The following RAPGEF6 variants were observed in gnomAD, a reference collection of about 807,000 sequenced individuals.
The protein encoded by RAPGEF6 is PDZ domain containing guanine nucleotide exchange factor (GEF) 2.
A neutral mutation model predicts 171.4 loss-of-function variants in RAPGEF6; 56 were observed. The ratio of observed to expected loss-of-function variants is 0.33; its 90% confidence interval spans 0.26 to 0.41. The LOEUF (loss-of-function observed/expected upper bound fraction) is 0.41. RAPGEF6 is among the 10% of genes least tolerant of loss of function. The pLI is 1.00. For synonymous variants in RAPGEF6, 692 were observed against 650.1 expected, an observed-to-expected ratio of 1.06 and a Z score of -0.98; for missense variants, 1,674 against 1,921.4, an observed-to-expected ratio of 0.87 and a Z score of 2.41.
chr5:131,629,813 A>C (rs1766187095), intron 1 of RAPGEF6, among the ~76,000 whole-genome samples: 1 of 152,044 alleles, frequency 6.6e-6, no homozygotes, highest in Non-Finnish European at 1.5e-5. Flanking sequence ...TGGAGCCTGA[A>C]GGTGTGACTA....
At chr5:131,436,362 A>G (rs1489410436) in intron 24 of RAPGEF6, 1 of 1,537,506 alleles carries the variant, frequency 6.5e-7, no homozygotes, top group Non-Finnish European at 8.7e-7. Context: ...TGCTGCTGTG[A>G]TCAGATATGA....
At position 131,495,586 on chromosome 5, in the gene RAPGEF6, A is replaced by G. The variant is rs866702035; in HGVS notation, c.1494T>C (p.Phe498=). Residue 498 remains phenylalanine, a synonymous_variant, in exon 13 of 28, where the codon TTT becomes TTC. Transcript: ENST00000509018. The part of the protein sequence containing the change: ...DFEGDPAMTR[F]LEEFEKNLED... Reference sequence around the variant, plus strand: ...CCAGATTTTTTTCAAATTCCTCTAGAAATCGAGTCATAGCAGGGTCACCTT... The same window carrying G: ...CCAGATTTTTTTCAAATTCCTCTAGGAATCGAGTCATAGCAGGGTCACCTT... 3.7e-6 allele frequency: 6 copies of G among 1,613,814 alleles called. No homozygotes were observed. The Middle Eastern group carries it at 8.3e-4, about 222-fold the overall frequency.
At chr5:131,561,892 A>T in intron 5 of RAPGEF6, 86 bp downstream of exon 5, 1 of 979,898 alleles carries the variant, frequency 1.0e-6, no homozygotes, top group Non-Finnish European at 1.6e-6. Context: ...TAGTAATAAA[A>T]CCTCCTTAAG....
At chr5:131,572,946 C>T (rs191707099) in intron 4 of RAPGEF6, among the ~76,000 whole-genome samples, 78 of 152,192 alleles carry the variant, frequency 5.1e-4, no homozygotes, top group Middle Eastern at 3.4e-3. Context: ...TCAAAAATTG[C>T]GCAAATGGTC....
In RAPGEF6 at chr5:131,433,486, T is replaced by C. The variant is rs749376250; in HGVS notation, c.3918A>G (p.Ala1306=). ...QALAVPESTG[A]LEKTEHASGI... ...CTGAAGCGTGCTCTGTCTTTTCCAA[T>C]GCCCCAGTGGATTCAGGGACTGCCA... Residue 1306 remains alanine, a synonymous_variant, in exon 25 of 28, where the codon GCA becomes GCG. Transcript: ENST00000509018. The C allele has an allele frequency of 1.2e-6, 2 of 1,613,998 alleles. No homozygotes were observed. Among genetic ancestry groups the C allele is most frequent in the South Asian group, 1.1e-5 (1 of 91,080 alleles).
At chr5:131,480,042 A>C (rs567682815) in intron 15 of RAPGEF6, among the ~76,000 whole-genome samples, 4 of 152,336 alleles carry the variant, frequency 2.6e-5, no homozygotes, top group African/African-American at 9.6e-5. Context: ...TTGAAAAAAA[A>C]CAGAGGTTCC....
chr5:131,561,630 A>G lies in RAPGEF6; in HGVS notation c.351+348T>C, dbSNP rs1761606498. On this transcript the variant is annotated intron_variant, in intron 5 of 27. Coordinates refer to ENST00000509018, the MANE Select transcript of RAPGEF6 (RefSeq NM_016340.6). Reference sequence around the variant, plus strand: ...AGCCAAGACTGCACCATTGCACTCCAGCCTGGGCACCAAGAATGAAACTCT... The same window carrying G: ...AGCCAAGACTGCACCATTGCACTCCGGCCTGGGCACCAAGAATGAAACTCT... Among the ~76,000 whole-genome samples the G allele has an allele frequency of 2.7e-5, 4 of 147,068 alleles. No homozygotes were observed. In the Admixed American group the frequency reaches 2.8e-4, roughly 10 times the overall value.
In RAPGEF6 at chr5:131,611,770, T is replaced by C. The variant is rs79735670; in HGVS notation, c.70-7077A>G. Among the ~76,000 whole-genome samples, 1,086 of 152,352 alleles carry C rather than the reference T, an allele frequency of 7.1e-3. 16 individuals carry two copies. Among genetic ancestry groups the C allele is most frequent in the African/African-American group, 0.025 (1,044 of 41,574 alleles). On this transcript the variant is annotated intron_variant, in intron 1 of 27. Coordinates refer to ENST00000509018, the MANE Select transcript of RAPGEF6 (RefSeq NM_016340.6). ...AATAAACTTGAGTCCAACCATCTTG[T>C]TAATAAATTCACTTAATTTTCAGAG...
chr5:131,614,281 C>A (rs1391755145), intron 1 of RAPGEF6, among the ~76,000 whole-genome samples: 229 of 81,368 alleles, frequency 2.8e-3, no homozygotes, highest in East Asian at 6.8e-3. Context: ...GACTCTGTCT[C>A]AAAAAAAAAA....
chr5:131,513,599 C>T (rs1209628008), intron 7 of RAPGEF6, among the ~76,000 whole-genome samples: 1 of 152,178 alleles, frequency 6.6e-6, no homozygotes, highest in African/African-American at 2.4e-5. Context: ...AAGGAGATAG[C>T]TCTTTAGGAA....
At chr5:131,555,254 AG>A (rs1001672556) in intron 5 of RAPGEF6, among the ~76,000 whole-genome samples, 4 of 152,164 alleles carry the variant, frequency 2.6e-5, no homozygotes, top group African/African-American at 9.6e-5. Flanking sequence ...ATCCTTTTAG[AG>A]GGGAAATGGT....
chr5:131,449,272 TAGTGTC>T (rs969426295), intron 21 of RAPGEF6, among the ~76,000 whole-genome samples: 52 of 152,166 alleles, frequency 3.4e-4, no homozygotes, highest in African/African-American at 1.2e-3. Flanking sequence ...CTATAACAAA[TAGTGTC>T]AGTTGCTGAT....
intron 10 of RAPGEF6, among the ~76,000 whole-genome samples, chr5:131,505,136 G>C (rs563980942): frequency 3.2e-4 from 49 of 151,234 alleles, no homozygotes; most frequent in South Asian, 2.7e-3. Flanking sequence ...ATATCAAATA[G>C]AAATGTAACA....
In RAPGEF6 at chr5:131,504,626, C is replaced by T. The variant is rs1461789522; in HGVS notation, c.1254G>A (p.Lys418=). 1.0e-5 allele frequency: 16 copies of T among 1,589,176 alleles called. No homozygotes were observed. Among genetic ancestry groups the T allele is most frequent in the Admixed American group, 1.9e-5 (1 of 53,582 alleles). ...TAGAAAAATAAGTAAAAACACCCAC[C>T]TTGATCACAATGTGTCCTTTCCTGG... The part of the protein sequence containing the change: ...SGTRKGHIVI[K]ATPERLIMHL... Residue 418 remains lysine (K), a splice_region_variant and synonymous_variant, in exon 11 of 28, where the codon AAG becomes AAA. Coordinates refer to ENST00000509018, the MANE Select transcript of RAPGEF6 (RefSeq NM_016340.6).
chr5:131,432,863 T>A (rs950787842), intron 25 of RAPGEF6, among the ~76,000 whole-genome samples: 5 of 152,212 alleles, frequency 3.3e-5, no homozygotes, highest in Admixed American at 6.5e-5. Flanking sequence ...CTTAAATTTT[T>A]CATATTAAAG....
At chr5:131,588,973 G>T (rs1392825145) in intron 4 of RAPGEF6, among the ~76,000 whole-genome samples, 1 of 151,692 alleles carries the variant, frequency 6.6e-6, no homozygotes, top group African/African-American at 2.4e-5. Flanking sequence ...GGGAGACTGA[G>T]ACAGGAGAAT....
At chr5:131,478,701 T>TA (rs1755270109) in intron 16 of RAPGEF6, among the ~76,000 whole-genome samples, 1 of 152,354 alleles carries the variant, frequency 6.6e-6, no homozygotes, top group African/African-American at 2.4e-5. Context: ...GTGTACAGAG[T>TA]AAGGGTTCCT....
intron 15 of RAPGEF6, among the ~76,000 whole-genome samples, chr5:131,487,745 C>T (rs888948081): frequency 6.6e-6 from 1 of 152,136 alleles, no homozygotes; most frequent in Non-Finnish European, 1.5e-5. Context: ...TATCACTGAA[C>T]CAATGTCTTC....
chr5:131,570,104 T>C (rs1440025342), intron 4 of RAPGEF6, among the ~76,000 whole-genome samples: 3 of 101,678 alleles, frequency 3.0e-5, no homozygotes, highest in African/African-American at 1.1e-4. Flanking sequence ...GAAAACTACA[T>C]ATATGACATA....
Sources: gnomAD v4.1 joint callset for allele counts (sites outside exome capture counted in the v4.1 genomes callset) on GRCh38, gnomAD v4.1.1 for gene constraint, MANE v1.5 for transcripts, NCBI Gene and HGNC (gene_info 2026-07-23, HGNC 2026-07-21) for gene names.